The following AP3S1 variants were observed in gnomAD, a reference collection of about 807,000 sequenced individuals.
AP3S1 encodes adaptor related protein complex 3 subunit sigma 1.
AP3S1 carries 12 observed loss-of-function variants against 21.3 expected under a neutral mutation model. That is an observed-to-expected ratio of 0.56 (90% CI 0.36 to 0.91). The LOEUF is 0.91. Ranked by LOEUF, AP3S1 falls within the 40% of genes least tolerant of loss-of-function variation. The pLI is 0.01. For synonymous variants in AP3S1, 48 were observed against 78.4 expected (o/e 0.61, Z 2.05); for missense variants, 116 against 225.0 (o/e 0.52, Z 3.10).
chr5:115,898,715 G>A (rs1201568065), intron 4 of AP3S1: 4 of 152,274 alleles, frequency 2.6e-5, no homozygotes, highest in Non-Finnish European at 5.9e-5. Flanking sequence ...GAGGAATGGG[G>A]ACTAGTAGAA....
chr5:115,901,672 A>G lies in AP3S1; in HGVS notation c.346-1213A>G, dbSNP rs116316019. On this transcript the variant is annotated intron_variant, in intron 4 of 5. Transcript: ENST00000316788. ...CGGGCTCAGGCAGTCCTCCTGGGTC[A>G]GCCTCCCGAGTAGCTGGAAGTACAG... Among the ~76,000 whole-genome samples the G allele has an allele frequency of 3.6e-3, 539 of 151,776 alleles. 2 individuals are homozygous for G. Among genetic ancestry groups the G allele is most frequent in the East Asian group, 0.027 (138 of 5,150 alleles).
chr5:115,893,629 C>G (rs1750506565), intron 3 of AP3S1, among the ~76,000 whole-genome samples: 1 of 152,020 alleles, frequency 6.6e-6, no homozygotes, highest in Admixed American at 6.6e-5. Context: ...AGGAAGAAAC[C>G]TTAGATTGTG....
intron 5 of AP3S1, 74 bp downstream of exon 5, chr5:115,903,066 C>T: frequency 8.9e-7 from 1 of 1,122,284 alleles, no homozygotes; most frequent in Non-Finnish European, 1.3e-6. Context: ...GTAGTTTTCA[C>T]TGTTTGTCCT....
At chr5:115,896,697 T>G (rs900910986) in intron 4 of AP3S1, among the ~76,000 whole-genome samples, 1 of 152,196 alleles carries the variant, frequency 6.6e-6, no homozygotes, top group Non-Finnish European at 1.5e-5. Context: ...GAGGATCACC[T>G]GTGCCTGGGG....
chr5:115,843,145 G>A lies in AP3S1; in HGVS notation c.69+1039G>A, dbSNP rs561097255. Among the ~76,000 whole-genome samples the A allele has an allele frequency of 1.4e-4, 22 of 152,346 alleles. No individual in the cohort carries two copies. The South Asian group carries it at 1.7e-3, about 11-fold the overall frequency. ...TGAAACACATAAAATTGGACTCCCAGTGGTAGGATTAATGTGAGGTATAAC... is the reference window on the plus strand; with the variant it reads ...TGAAACACATAAAATTGGACTCCCAATGGTAGGATTAATGTGAGGTATAAC... On this transcript the variant is annotated intron_variant, in intron 1 of 5. Transcript: ENST00000316788.
intron 3 of AP3S1, among the ~76,000 whole-genome samples, chr5:115,872,130 C>T (rs1748316630): frequency 6.6e-6 from 1 of 151,910 alleles, no homozygotes; most frequent in South Asian, 2.1e-4. Context: ...CCTGGGCAAC[C>T]CCATCTCTAC....
intron 1 of AP3S1, among the ~76,000 whole-genome samples, chr5:115,854,960 TAA>T (rs1002290984): frequency 6.6e-6 from 1 of 152,108 alleles, no homozygotes; most frequent in Non-Finnish European, 1.5e-5. Flanking sequence ...CCTTTTATTA[TAA>T]AGTTATTTTC....
At chr5:115,852,545 A>G (rs1580618207) in intron 1 of AP3S1, among the ~76,000 whole-genome samples, 2 of 152,276 alleles carry the variant, frequency 1.3e-5, no homozygotes, top group Non-Finnish European at 2.9e-5. Flanking sequence ...TGGTTGTGCA[A>G]CCATCGCCAC....
chr5:115,866,048 G>A (rs891277872), intron 1 of AP3S1, among the ~76,000 whole-genome samples: 1 of 152,042 alleles, frequency 6.6e-6, no homozygotes, highest in African/African-American at 2.4e-5. Flanking sequence ...CACCCATCTC[G>A]GCCTCTCAGA....
intron 1 of AP3S1, among the ~76,000 whole-genome samples, chr5:115,865,238 T>G (rs1057257901): frequency 1.3e-5 from 2 of 152,120 alleles, no homozygotes; most frequent in African/African-American, 4.8e-5. Context: ...TTCCACTCAG[T>G]GAATAGTAAA....
At chr5:115,844,433 T>G (rs1249415830) in intron 1 of AP3S1, among the ~76,000 whole-genome samples, 2 of 152,182 alleles carry the variant, frequency 1.3e-5, no homozygotes, top group African/African-American at 4.8e-5. Context: ...TCTGGTAAGT[T>G]CTCACTGAGA....
intron 3 of AP3S1, among the ~76,000 whole-genome samples, chr5:115,887,681 C>T (rs1340797713): frequency 6.6e-6 from 1 of 151,884 alleles, no homozygotes; most frequent in African/African-American, 2.4e-5. Context: ...ATATAGTTAC[C>T]ATTATTATGC....
intron 5 of AP3S1, among the ~76,000 whole-genome samples, chr5:115,908,414 G>T (rs922174355): frequency 2.0e-5 from 3 of 152,030 alleles, no homozygotes; most frequent in Non-Finnish European, 2.9e-5. Flanking sequence ...TGGCTCTAAG[G>T]TACTGATGGT....
chr5:115,893,788 T>A (rs1429221164), intron 3 of AP3S1, among the ~76,000 whole-genome samples: 1 of 152,230 alleles, frequency 6.6e-6, no homozygotes, highest in African/African-American at 2.4e-5. Flanking sequence ...ATAGCTGTTG[T>A]TCCAGGCTGT....
intron 2 of AP3S1, among the ~76,000 whole-genome samples, chr5:115,868,889 AAGAGAG>A (rs578128844): frequency 1.1e-5 from 1 of 91,402 alleles, no homozygotes; most frequent in East Asian, 3.4e-4. Context: ...CTCAAAAAGA[AAGAGAG>A]AGAGAGAGAC....
intron 1 of AP3S1, among the ~76,000 whole-genome samples, chr5:115,844,071 T>C (rs1761875513): frequency 6.6e-6 from 1 of 152,222 alleles, no homozygotes; most frequent in South Asian, 2.1e-4. Flanking sequence ...TAAGTTTCTA[T>C]AAGTTGGGTT....
chr5:115,880,374 T>A (rs576711997), intron 3 of AP3S1, among the ~76,000 whole-genome samples: 168 of 152,344 alleles, frequency 1.1e-3, no homozygotes, highest in Non-Finnish European at 1.7e-3. Flanking sequence ...GCTTTAGCTG[T>A]GTCCCAGAAA....
intron 2 of AP3S1, among the ~76,000 whole-genome samples, chr5:115,867,702 C>T (rs1408320778): frequency 1.3e-5 from 2 of 152,072 alleles, no homozygotes; most frequent in East Asian, 3.9e-4. Flanking sequence ...ACAAGTGTAC[C>T]TGCTTCTGTT....
intron 5 of AP3S1, among the ~76,000 whole-genome samples, chr5:115,911,472 T>G (rs1484430897): frequency 6.6e-6 from 1 of 152,076 alleles, no homozygotes; most frequent in Non-Finnish European, 1.5e-5. Context: ...TTATGGAAAT[T>G]CCTAAGTAAA....
Sources: gnomAD v4.1 joint callset for allele counts (sites outside exome capture counted in the v4.1 genomes callset) on GRCh38, gnomAD v4.1.1 for gene constraint, MANE v1.5 for transcripts, NCBI Gene and HGNC (gene_info 2026-07-23, HGNC 2026-07-21) for gene names.